The following HLCS variants were observed in gnomAD, a reference collection of about 807,000 sequenced individuals.
HLCS encodes biotin--protein ligase.
HLCS carries 53 observed loss-of-function variants against 75.0 expected under a neutral mutation model. That is an observed-to-expected ratio of 0.71 (90% CI 0.57 to 0.89). The LOEUF (loss-of-function observed/expected upper bound fraction) is 0.89, where lower values mean the gene tolerates loss of function less well. HLCS is among the 40% of genes least tolerant of loss of function. The pLI, the probability that HLCS is intolerant of heterozygous loss-of-function variation, is 0.00. For synonymous variants in HLCS, 431 were observed against 428.6 expected (o/e 1.01, Z -0.07); for missense variants, 966 against 1,074.0 (o/e 0.90, Z 1.41).
chr21:36,907,404 C>G (rs1476216569), intron 5 of HLCS, among the ~76,000 whole-genome samples: 1 of 152,072 alleles, frequency 6.6e-6, no homozygotes, highest in Non-Finnish European at 1.5e-5. Context: ...ACCTGTAATC[C>G]CAGAACTTTG....
At chr21:36,954,484 C>G (rs959445335) in intron 2 of HLCS, among the ~76,000 whole-genome samples, 1 of 151,462 alleles carries the variant, frequency 6.6e-6, no homozygotes, top group Admixed American at 6.6e-5. Flanking sequence ...GGCGTGGTGG[C>G]GGGCGCCTGT....
chr21:36,855,536 TAAAAAAAAAAAAAAAAA>T (rs71901243), intron 6 of HLCS, among the ~76,000 whole-genome samples: 4 of 75,658 alleles, frequency 5.3e-5, no homozygotes, highest in Admixed American at 2.7e-4. Flanking sequence ...AGACTCCATC[TAAAAAAAAAAAAAAAAA>T]AAAAAAAAAG....
At chr21:36,799,633 C>A (rs1039661735) in intron 6 of HLCS, among the ~76,000 whole-genome samples, 1 of 152,132 alleles carries the variant, frequency 6.6e-6, no homozygotes, top group African/African-American at 2.4e-5. Context: ...AGGGAAGGGG[C>A]TGCGGCCTGA....
Position 36,756,685 on chromosome 21 carries a change from T to A in HLCS, c.2307A>T (p.Lys769Asn), listed in dbSNP as rs2089614406. 4 of 1,614,008 alleles carry A rather than the reference T, an allele frequency of 2.5e-6. No homozygotes were observed. Among genetic ancestry groups the A allele is most frequent in the Non-Finnish European group, 3.4e-6 (4 of 1,180,034 alleles). ...CINDLITEYN[K>N]QHKAELKPLR... is the part of the protein sequence containing the mutation. ...AGGGCTTCAGTTCTGCCTTGTGTTG[T>A]TTATTGTATTCTGTGATGAGGTCGT... is the stretch of plus-strand genomic sequence containing the variant. The change falls in exon 10 of 11, where the codon AAA (lysine) becomes AAT (asparagine). Residue 769 changes from lysine to asparagine, a missense_variant. Physicochemically the swap from Lys to Asn is moderately conservative, Grantham distance 94. Coordinates refer to ENST00000674895, the MANE Select transcript of HLCS (RefSeq NM_001352514.2).
At chr21:36,761,824 G>A (rs891481858) in intron 8 of HLCS, among the ~76,000 whole-genome samples, 3 of 152,164 alleles carry the variant, frequency 2.0e-5, no homozygotes, top group African/African-American at 7.2e-5. Context: ...CATGGCCAGG[G>A]GAATGAGCCC....
At chr21:36,770,219 T>A (rs1319679592) in intron 6 of HLCS, among the ~76,000 whole-genome samples, 1 of 143,506 alleles carries the variant, frequency 7.0e-6, no homozygotes, top group Non-Finnish European at 1.5e-5. Flanking sequence ...GAATCTCGGG[T>A]CACTGCAACC....
chr21:36,894,394 C>G (rs1383502686), intron 6 of HLCS, among the ~76,000 whole-genome samples: 1 of 152,126 alleles, frequency 6.6e-6, no homozygotes, highest in Non-Finnish European at 1.5e-5. Context: ...ATGTAACAGG[C>G]CATGTATTTT....
intron 4 of HLCS, among the ~76,000 whole-genome samples, chr21:36,934,698 G>T (rs1179301377): frequency 6.6e-6 from 1 of 152,160 alleles, no homozygotes; most frequent in Non-Finnish European, 1.5e-5. Flanking sequence ...TTCTGCCCTT[G>T]AAATACTTTA....
At position 36,966,427 on chromosome 21, in the gene HLCS, C is replaced by T; in HGVS notation, c.195+17G>A. The T allele has an allele frequency of 9.9e-5, 20 of 201,878 alleles. No individual in the cohort carries two copies. The highest frequency in any genetic ancestry group is 2.3e-3 in the Middle Eastern group (1 of 430). The allele number at this position is 201,878 out of a possible 1,614,324, so 12.5% of individuals were successfully genotyped here. ...GGCTCGCGGGGCCCGGGTCGCCCGC[C>T]CGCCCGACCCGCCCACCTGGCTGTC... On this transcript the variant is annotated intron_variant, in intron 1 of 10. Coordinates refer to ENST00000674895, the MANE Select transcript of HLCS (RefSeq NM_001352514.2).
intron 6 of HLCS, among the ~76,000 whole-genome samples, chr21:36,840,524 A>G (rs1230018312): frequency 6.6e-6 from 1 of 152,238 alleles, no homozygotes; most frequent in Non-Finnish European, 1.5e-5. Flanking sequence ...TTTAAAACTA[A>G]GTAGTGACAT....
chr21:36,767,100 A>G (rs2090064767), intron 7 of HLCS, 118 bp downstream of exon 7: 2 of 965,252 alleles, frequency 2.1e-6, no homozygotes, highest in African/African-American at 3.2e-5. Context: ...TGAAAACAGA[A>G]TCTACTAACT....
chr21:36,844,629 G>A (rs1473972320), intron 6 of HLCS, among the ~76,000 whole-genome samples: 1 of 151,486 alleles, frequency 6.6e-6, no homozygotes, highest in Non-Finnish European at 1.5e-5. Flanking sequence ...GAACATCTTT[G>A]TCACTCACGG....
At chr21:36,907,517 A>T (rs2065511286) in intron 5 of HLCS, among the ~76,000 whole-genome samples, 1 of 152,110 alleles carries the variant, frequency 6.6e-6, no homozygotes, top group African/African-American at 2.4e-5. Flanking sequence ...TTAGCCAGGC[A>T]TGGTGGCATG....
intron 2 of HLCS, chr21:36,944,110 C>G (rs920950072): frequency 2.6e-5 from 4 of 152,116 alleles, no homozygotes; most frequent in African/African-American, 9.7e-5. Context: ...GGTTCCTCAT[C>G]TCTACAAAAT....
chr21:36,917,935 A>C (rs1331428355), intron 5 of HLCS, among the ~76,000 whole-genome samples: 3 of 146,534 alleles, frequency 2.0e-5, no homozygotes, highest in South Asian at 2.2e-4. Flanking sequence ...TCATTGGATG[A>C]TCTGTCTCTT....
rs747650162 is a variant in HLCS, at chr21:36,937,181, G to A, written c.705C>T (p.Asp235=). 6.2e-7 allele frequency: 1 copy of A among 1,614,124 alleles called. No homozygotes were observed. The highest frequency in any genetic ancestry group is 2.2e-5 in the East Asian group (1 of 44,884). Residue 235 remains aspartate (D), a synonymous_variant, in exon 4 of 11, where the codon GAC becomes GAT. Coordinates refer to ENST00000674895, the MANE Select transcript of HLCS (RefSeq NM_001352514.2). Reference sequence around the variant, plus strand: ...CAACGGGGCCCCCTCCCCTGTCACTGTCCCCAGCAGGCTCACTCCCAGAGG... The same window carrying A: ...CAACGGGGCCCCCTCCCCTGTCACTATCCCCAGCAGGCTCACTCCCAGAGG... ...GSASGSEPAG[D]SDRGGGPVEH... is the part of the protein sequence containing the mutation.
chr21:36,758,999 T>C (rs1173038502), intron 9 of HLCS, among the ~76,000 whole-genome samples: 1 of 151,126 alleles, frequency 6.6e-6, no homozygotes, highest in Non-Finnish European at 1.5e-5. Flanking sequence ...AAAAAAAAGA[T>C]AGGAAATGGA....
Position 36,936,812 on chromosome 21 carries a change from C to G in HLCS, c.1074G>C (p.Thr358=). ...LEDSALRDPW[T]DNCLLLVIAT... is the part of the protein sequence containing the mutation. Reference sequence around the variant, plus strand: ...CAATGACCAACAGCAGACAGTTGTCCGTCCACGGGTCTCTGAGAGCACTGT... The same window carrying G: ...CAATGACCAACAGCAGACAGTTGTCGGTCCACGGGTCTCTGAGAGCACTGT... Residue 358 remains threonine, a synonymous_variant, in exon 4 of 11, where the codon ACG becomes ACC. Coordinates refer to ENST00000674895, the MANE Select transcript of HLCS (RefSeq NM_001352514.2). The G allele has an allele frequency of 6.2e-7, 1 of 1,614,168 alleles. No individual in the cohort carries two copies. Among genetic ancestry groups the G allele is most frequent in the Non-Finnish European group, 8.5e-7 (1 of 1,180,034 alleles).
At chr21:36,900,977 G>A (rs2065213338) in intron 5 of HLCS, among the ~76,000 whole-genome samples, 1 of 152,074 alleles carries the variant, frequency 6.6e-6, no homozygotes, top group Non-Finnish European at 1.5e-5. Flanking sequence ...AAATCCCACG[G>A]GGGCTGGGCG....
Sources: gnomAD v4.1 joint callset for allele counts (sites outside exome capture counted in the v4.1 genomes callset) on GRCh38, gnomAD v4.1.1 for gene constraint, MANE v1.5 for transcripts, NCBI Gene and HGNC (gene_info 2026-07-23, HGNC 2026-07-21) for gene names.